Variants in ZNF644 observed in about 807,000 individuals in gnomAD.
ZNF644 encodes the protein zinc finger motif enhancer binding protein 2.
In ZNF644, 20 loss-of-function variants were observed where a neutral mutation model predicts 108.0. That is an observed-to-expected ratio of 0.19 (90% CI 0.13 to 0.27). ZNF644 has a LOEUF of 0.27. Ranked by LOEUF, ZNF644 falls within the 10% of genes least tolerant of loss-of-function variation. The probability of loss-of-function intolerance (pLI) is 1.00; values close to 1 mark genes in which losing one functional copy is unlikely to be tolerated. For synonymous variants in ZNF644, 542 were observed against 539.1 expected, an observed-to-expected ratio of 1.01 and a Z score of -0.08; for missense variants, 1,338 against 1,548.9, an observed-to-expected ratio of 0.86 and a Z score of 2.29.
At chr1:90,959,424 A>C (rs1654097622) in intron 2 of ZNF644, among the ~76,000 whole-genome samples, 1 of 152,302 alleles carries the variant, frequency 6.6e-6, no homozygotes. Flanking sequence ...ATGTAAACTC[A>C]TGTCCACAGA....
At chr1:90,998,490 C>T (rs919458721) in intron 1 of ZNF644, among the ~76,000 whole-genome samples, 32 of 152,232 alleles carry the variant, frequency 2.1e-4, no homozygotes, top group African/African-American at 7.7e-4. Context: ...AGGGTCCTCA[C>T]TGTTAGAAGG....
chr1:91,012,849 A>AT (rs35396798), intron 1 of ZNF644, among the ~76,000 whole-genome samples: 1,923 of 152,190 alleles, frequency 0.013, 39 homozygotes, highest in African/African-American at 0.044. Flanking sequence ...CCTAAAAAAA[A>AT]TACTTAAAAA....
At chr1:90,924,255 T>C (rs555971503) in intron 4 of ZNF644, among the ~76,000 whole-genome samples, 2 of 152,234 alleles carry the variant, frequency 1.3e-5, no homozygotes, top group African/African-American at 4.8e-5. Flanking sequence ...GGTAAGAAAA[T>C]AACATTTAAA....
At chr1:90,982,198 T>C in intron 2 of ZNF644, 112 bp downstream of exon 2, 1 of 879,434 alleles carries the variant, frequency 1.1e-6, no homozygotes, top group Non-Finnish European at 1.8e-6. Context: ...CATTTCAAAA[T>C]TTTATTTAAA....
intron 1 of ZNF644, among the ~76,000 whole-genome samples, chr1:90,986,264 A>C (rs1657083596): frequency 6.6e-6 from 1 of 152,048 alleles, no homozygotes; most frequent in Non-Finnish European, 1.5e-5. Flanking sequence ...TTCCAATAGA[A>C]GATCATAGAG....
At chr1:90,967,844 G>C (rs946151919) in intron 2 of ZNF644, among the ~76,000 whole-genome samples, 3 of 146,404 alleles carry the variant, frequency 2.0e-5, no homozygotes, top group Non-Finnish European at 4.5e-5. Context: ...TCAGGAGTTC[G>C]AGACCAGCCT....
At chr1:90,965,247 A>G (rs1230484565) in intron 2 of ZNF644, among the ~76,000 whole-genome samples, 3 of 152,168 alleles carry the variant, frequency 2.0e-5, no homozygotes, top group Non-Finnish European at 4.4e-5. Context: ...AAAGTACAGT[A>G]GGGCTGCTTC....
At chr1:90,917,706 C>T (rs111525241) in intron 5 of ZNF644, among the ~76,000 whole-genome samples, 21 of 152,304 alleles carry the variant, frequency 1.4e-4, no homozygotes, top group African/African-American at 4.8e-4. Context: ...TCATGTTGGC[C>T]AGGCTGCTCT....
At chr1:90,919,402 A>G (rs928146490) in intron 4 of ZNF644, among the ~76,000 whole-genome samples, 1 of 152,142 alleles carries the variant, frequency 6.6e-6, no homozygotes, top group African/African-American at 2.4e-5. Flanking sequence ...CAAAGTCCAG[A>G]TTCCAAAAGA....
At position 90,918,102 on chromosome 1, in the gene ZNF644, T is replaced by C. The variant is rs1204959129; in HGVS notation, c.3741A>G (p.Lys1247=). ...CAGCACCATGAGGTAATGTTAGCAT[T>C]TTCTTCTTGCTTCCAGATCTTGACC... ...KSRSRSGSKK[K]MLTLPHGADE... is the part of the protein sequence containing the mutation. The change falls in exon 5 of 6, where the codon AAA becomes AAG. Residue 1247 remains lysine, a synonymous_variant. Coordinates refer to ENST00000337393, the MANE Select transcript of ZNF644 (RefSeq NM_201269.3). 5 of 1,613,962 alleles carry C rather than the reference T, an allele frequency of 3.1e-6. No homozygotes were observed. The Admixed American group carries it at 8.3e-5, about 27-fold the overall frequency.
chr1:90,963,239 A>G (rs1654512155), intron 2 of ZNF644, among the ~76,000 whole-genome samples: 1 of 152,092 alleles, frequency 6.6e-6, no homozygotes, highest in Non-Finnish European at 1.5e-5. Context: ...AAAAATGGAT[A>G]CCCAAACAAC....
rs765745682 is a variant in ZNF644, at chr1:90,938,759, C to T, written c.2595G>A (p.Glu865=). 14 of 1,613,832 alleles carry T rather than the reference C, an allele frequency of 8.7e-6. No homozygotes were observed. The South Asian group carries it at 1.4e-4, about 16-fold the overall frequency. ...TEDESSWDNV[E]LGDYTTQAIE... ...TGGCCTGTGTAGTGTAGTCTCCTAA[C>T]TCAACATTATCCCAGGAACTTTCAT... is the stretch of plus-strand genomic sequence containing the variant. The change falls in exon 3 of 6, where the codon GAG becomes GAA. Residue 865 remains glutamate (E), a synonymous_variant. Coordinates refer to ENST00000337393, the MANE Select transcript of ZNF644 (RefSeq NM_201269.3). The surrounding 1 kb of genome is among the most constrained non-coding windows in gnomAD (Gnocchi z 4.2).
intron 2 of ZNF644, among the ~76,000 whole-genome samples, chr1:90,975,284 C>A (rs1655880553): frequency 1.3e-5 from 2 of 152,160 alleles, no homozygotes; most frequent in Non-Finnish European, 2.9e-5. Flanking sequence ...GTTATCTTTT[C>A]TCCTCAGACT....
Position 90,938,138 on chromosome 1 carries a change from G to A in ZNF644, c.3083-48C>T. On this transcript the variant is annotated intron_variant, in intron 3 of 5. Transcript: ENST00000337393. This position sits in a 1 kb window ranked among gnomAD's most constrained non-coding sequence, Gnocchi z 4.2. ...AATATCAGACTTTCTTATATAAACTGACCACCCTAAAATGAGTTAATTCTG... is the reference window on the plus strand; with the variant it reads ...AATATCAGACTTTCTTATATAAACTAACCACCCTAAAATGAGTTAATTCTG... 1.2e-6 allele frequency: 2 copies of A among 1,607,052 alleles called. No individual in the cohort carries two copies.
chr1:90,936,893 A>G (rs1651375787), intron 4 of ZNF644, among the ~76,000 whole-genome samples: 1 of 152,172 alleles, frequency 6.6e-6, no homozygotes, highest in Non-Finnish European at 1.5e-5. Flanking sequence ...CCCCAAACAA[A>G]TATGTTTTAT....
intron 2 of ZNF644, among the ~76,000 whole-genome samples, chr1:90,967,409 T>C (rs772025708): frequency 5.3e-5 from 8 of 152,212 alleles, no homozygotes; most frequent in Non-Finnish European, 8.8e-5. Context: ...CTCTTTCAAA[T>C]ATTTAGCTGA....
chr1:90,987,365 A>T (rs1657211147), intron 1 of ZNF644, among the ~76,000 whole-genome samples: 1 of 151,746 alleles, frequency 6.6e-6, no homozygotes, highest in Non-Finnish European at 1.5e-5. Context: ...GGACATTACA[A>T]CTGATGCCAG....
chr1:90,924,148 C>T (rs1369154916), intron 4 of ZNF644, among the ~76,000 whole-genome samples: 1 of 152,112 alleles, frequency 6.6e-6, no homozygotes, highest in African/African-American at 2.4e-5. Context: ...TATCAGCTTA[C>T]CCAAAGCTAA....
chr1:90,929,658 A>G (rs564446496), intron 4 of ZNF644, among the ~76,000 whole-genome samples: 8 of 152,222 alleles, frequency 5.3e-5, no homozygotes, highest in Non-Finnish European at 1.2e-4. Flanking sequence ...CACATCAGAA[A>G]GTGCTCCCAT....
Sources: gnomAD v4.1 joint callset for allele counts (sites outside exome capture counted in the v4.1 genomes callset) on GRCh38, gnomAD v4.1.1 for gene constraint, Gnocchi (gnomAD v3.1) non-coding constraint, MANE v1.5 for transcripts, NCBI Gene and HGNC (gene_info 2026-07-23, HGNC 2026-07-21) for gene names.